The following FAM186A variants were observed in gnomAD, a reference collection of about 807,000 sequenced individuals.
FAM186A encodes family with sequence similarity 186 member A.
Under a neutral mutation model 216.8 loss-of-function variants are expected in FAM186A, and 163 were observed. That is an observed-to-expected ratio of 0.75 (90% CI 0.66 to 0.86). The LOEUF (loss-of-function observed/expected upper bound fraction) is 0.86. Among genes scored for constraint, FAM186A ranks in the 40% least tolerant of loss-of-function variants. The pLI is 0.00. For missense variants in FAM186A, 2,184 were observed against 2,746.2 expected (o/e 0.80, Z 4.58); for synonymous variants, 805 against 1,025.3 (o/e 0.79, Z 4.10).
rs1188955383 is a variant in FAM186A, at chr12:50,354,214, C to T, written c.2618G>A (p.Gly873Glu). 30 of 1,551,538 alleles carry T rather than the reference C, an allele frequency of 1.9e-5. No homozygotes were observed. The highest frequency in any genetic ancestry group is 2.6e-5 in the Non-Finnish European group (30 of 1,146,980). Residue 873 changes from glycine to glutamate, a missense_variant, in exon 4 of 8, where the codon GGA becomes GAA. By Grantham distance (98) the Gly-to-Glu change is moderately conservative (BLOSUM62 -2). Around this residue, in one of 7 missense-constraint regions of FAM186A, gnomAD observed 1,132 missense variants for 1,263.4 expected, o/e 0.90. Coordinates refer to ENST00000327337, the MANE Select transcript of FAM186A (RefSeq NM_001145475.3). ...EKKAWLQMKE[G>E]KQEQQSQKQW... ...TTTCTGGCTCTGTTGTTCTTGCTTT[C>T]CCTCCTTCATCTGGAGCCATGCCTT... is the stretch of plus-strand genomic sequence containing the variant.
intron 1 of FAM186A, among the ~76,000 whole-genome samples, chr12:50,367,535 A>G (rs911297650): frequency 7.0e-5 from 10 of 142,734 alleles, no homozygotes; most frequent in African/African-American, 2.6e-4. Flanking sequence ...AAAAAAAAAA[A>G]GAAAAGAAAT....
intron 1 of FAM186A, among the ~76,000 whole-genome samples, chr12:50,394,795 TAGTGGCACAA>T (rs1943397987): frequency 7.3e-6 from 1 of 137,792 alleles, no homozygotes; most frequent in African/African-American, 2.8e-5. Context: ...GACTGGAATG[TAGTGGCACAA>T]TCTATAGCTC....
In FAM186A at chr12:50,356,008, A is replaced by G; in HGVS notation, c.824T>C (p.Leu275Pro). 1.3e-6 allele frequency: 2 copies of G among 1,551,652 alleles called. No individual in the cohort carries two copies. The highest frequency in any genetic ancestry group is 2.4e-5 in the South Asian group (2 of 84,060). Residue 275 changes from leucine (L) to proline (P), a missense_variant, in exon 4 of 8, where the codon CTA (leucine) becomes CCA (proline). Transcript: ENST00000327337. ...GTTAACACATTTTAATTCATCATTT[A>G]GCATACTCAAAGCTGTAGAAAGGTT... ...IVNLSTALSM[L>P]NDELKCVNFQ...
chr12:50,329,092 C>G (rs966982611), intron 7 of FAM186A, among the ~76,000 whole-genome samples: 9 of 152,108 alleles, frequency 5.9e-5, no homozygotes, highest in Admixed American at 5.2e-4. Context: ...TGCACTCTAG[C>G]ATGGACGACA....
Position 50,354,233 on chromosome 12 carries a change from A to AT in FAM186A, c.2598dup (p.Trp867MetfsTer36). The AT allele has an allele frequency of 6.4e-7, 1 of 1,551,456 alleles. No individual in the cohort carries two copies. Among genetic ancestry groups the AT allele is most frequent in the East Asian group, 2.4e-5 (1 of 40,910 alleles). On this transcript the variant is annotated frameshift_variant, in exon 4 of 8. Coordinates refer to ENST00000327337, the MANE Select transcript of FAM186A (RefSeq NM_001145475.3). LOFTEE classifies it high-confidence loss of function. Reference sequence around the variant, plus strand: ...TGCTTTCCCTCCTTCATCTGGAGCCATGCCTTTTTTTCTTCCCAATTCTCA... The same window carrying AT: ...TGCTTTCCCTCCTTCATCTGGAGCCATTGCCTTTTTTTCTTCCCAATTCTCA...
intron 1 of FAM186A, chr12:50,392,497 T>G (rs1405264159): frequency 2.0e-5 from 3 of 152,136 alleles, no homozygotes; most frequent in African/African-American, 7.3e-5. Context: ...GCCAGGATGG[T>G]CTCGATCTCC....
rs1019526628 is a variant in FAM186A, at chr12:50,360,815, A to G, written c.524T>C (p.Ile175Thr). 4 of 1,550,312 alleles carry G rather than the reference A, an allele frequency of 2.6e-6. No individual in the cohort carries two copies. The highest frequency in any genetic ancestry group is 2.4e-5 in the South Asian group (2 of 83,562). ...GAAAGATGTACTAAATCTGCTTAGT[A>G]TCTTGACATTGTTCTCAATAGCTTT... Reference protein sequence around the residue: ...TLKAIENNVKILSRFSTSFLD... With the variant: ...TLKAIENNVKTLSRFSTSFLD... Residue 175 changes from isoleucine (I) to threonine (T), a missense_variant, in exon 3 of 8, where the codon ATA (isoleucine) becomes ACA (threonine). Ile to Thr is a moderately conservative substitution (Grantham distance 89, BLOSUM62 -1). Coordinates refer to ENST00000327337, the MANE Select transcript of FAM186A (RefSeq NM_001145475.3).
chr12:50,385,307 A>G (rs1943291686), intron 1 of FAM186A, among the ~76,000 whole-genome samples: 3 of 150,464 alleles, frequency 2.0e-5, no homozygotes, highest in Non-Finnish European at 4.4e-5. Context: ...AGTCTCAGCT[A>G]CTCAGGAGGC....
chr12:50,333,521 T>C (rs1463394410), intron 5 of FAM186A, among the ~76,000 whole-genome samples: 1 of 151,712 alleles, frequency 6.6e-6, no homozygotes, highest in Non-Finnish European at 1.5e-5. Context: ...AGAGCAAGAC[T>C]GTCTCAAAAA....
Position 50,356,231 on chromosome 12 carries a change from A to G in FAM186A, c.601T>C (p.Trp201Arg). The change falls in exon 4 of 8, where the codon TGG becomes CGG. Residue 201 changes from tryptophan (W) to arginine (R), a missense_variant. By Grantham distance (101) the Trp-to-Arg change is moderately radical. Transcript: ENST00000327337. ...ATAACTCTTTCTTTCCAAGATTTCC[A>G]TAGAGTACCTCTAGATACTGAAGAA... The part of the protein sequence containing the change: ...KKKILSRGTL[W>R]KSWKERVIKR... The G allele has an allele frequency of 1.9e-6, 3 of 1,549,388 alleles. No homozygotes were observed. Among genetic ancestry groups the G allele is most frequent in the East Asian group, 4.9e-5 (2 of 40,910 alleles).
At position 50,353,913 on chromosome 12, in the gene FAM186A, T is replaced by C; in HGVS notation, c.2919A>G (p.Arg973=). Residue 973 remains arginine (R), a synonymous_variant, in exon 4 of 8, where the codon AGA becomes AGG. Transcript: ENST00000327337. ...EKGKEKQKPE[R]GLEDLERQIK... ...TCTGCCTTTCGAGGTCCTCTAGCCC[T>C]CTCTCTGGCTTCTGCTTTTCCTTCC... 6.4e-7 allele frequency: 1 copy of C among 1,553,018 alleles called. No individual in the cohort carries two copies. Among genetic ancestry groups the C allele is most frequent in the Non-Finnish European group, 8.7e-7 (1 of 1,147,766 alleles).
intron 7 of FAM186A, among the ~76,000 whole-genome samples, chr12:50,330,303 C>G (rs1295169048): frequency 6.6e-6 from 1 of 152,134 alleles, no homozygotes; most frequent in Non-Finnish European, 1.5e-5. Context: ...GTGGACCTAT[C>G]TAGTGTTAGA....
At chr12:50,366,626 C>CAAAAAAAAAAAAAAA (rs61606774) in intron 1 of FAM186A, among the ~76,000 whole-genome samples, 3 of 49,398 alleles carry the variant, frequency 6.1e-5, no homozygotes, top group Admixed American at 3.0e-4. Flanking sequence ...ATAGAATGAC[C>CAAAAAAAAAAAAAAA]AAAAAAAAAA....
chr12:50,348,425 G>A (rs979660507), intron 4 of FAM186A, among the ~76,000 whole-genome samples: 4 of 151,998 alleles, frequency 2.6e-5, no homozygotes, highest in East Asian at 1.9e-4. Context: ...GTTTCACCAT[G>A]TTGGCCAGGG....
intron 4 of FAM186A, 86 bp downstream of exon 4, chr12:50,350,243 A>G (rs979529350): frequency 2.4e-6 from 3 of 1,245,316 alleles, no homozygotes; most frequent in Non-Finnish European, 3.3e-6. Context: ...TGGCCTGACA[A>G]ATATGAATAT....
chr12:50,370,678 C>A (rs995089078), intron 1 of FAM186A, among the ~76,000 whole-genome samples: 2 of 152,006 alleles, frequency 1.3e-5, no homozygotes, highest in Non-Finnish European at 2.9e-5. Context: ...TAAGCAGGGT[C>A]CCTAAGAAAT....
chr12:50,339,461 T>A (rs1010631048), intron 4 of FAM186A, among the ~76,000 whole-genome samples: 8 of 152,156 alleles, frequency 5.3e-5, no homozygotes, highest in Admixed American at 1.3e-4. Context: ...ACTCTCACCC[T>A]TATATTCTTT....
chr12:50,378,571 T>TATATATATACAC (rs1414344754), intron 1 of FAM186A, among the ~76,000 whole-genome samples: 34 of 12,386 alleles, frequency 2.7e-3, no homozygotes, highest in Admixed American at 0.017. Context: ...TATATATATA[T>TATATATATACAC]ATACACATAT....
At chr12:50,335,569 G>A (rs1942699403) in intron 4 of FAM186A, among the ~76,000 whole-genome samples, 1 of 151,536 alleles carries the variant, frequency 6.6e-6, no homozygotes, top group Non-Finnish European at 1.5e-5. Flanking sequence ...ACTTGAACCC[G>A]AGCAACAGAG....
Sources: gnomAD v4.1 joint callset for allele counts (sites outside exome capture counted in the v4.1 genomes callset) on GRCh38, gnomAD v4.1.1 for gene constraint, gnomAD v4.1.1 regional missense constraint, MANE v1.5 for transcripts, NCBI Gene and HGNC (gene_info 2026-07-23, HGNC 2026-07-21) for gene names.